Variants in AGAP2 observed in about 807,000 individuals in gnomAD.
AGAP2 encodes the protein ArfGAP with GTPase domain, ankyrin repeat and PH domain 2.
Under a neutral mutation model 110.9 loss-of-function variants are expected in AGAP2, and 32 were observed. That is an observed-to-expected ratio of 0.29 (90% CI 0.22 to 0.39). The LOEUF (loss-of-function observed/expected upper bound fraction) is 0.39. Among genes scored for constraint, AGAP2 ranks in the 10% least tolerant of loss-of-function variants. The pLI is 1.00. For synonymous variants in AGAP2, 702 were observed against 713.0 expected (o/e 0.98, Z 0.25); for missense variants, 1,285 against 1,638.5 (o/e 0.78, Z 3.72).
In AGAP2 at chr12:57,734,127, T is replaced by A; in HGVS notation, c.1448A>T (p.Asp483Val). 6.2e-7 allele frequency: 1 copy of A among 1,613,270 alleles called. No homozygotes were observed. Among genetic ancestry groups the A allele is most frequent in the Non-Finnish European group, 8.5e-7 (1 of 1,179,554 alleles). The change falls in exon 5 of 19, where the codon GAT becomes GTT. Residue 483 changes from aspartate (D) to valine (V), a missense_variant. Physicochemically the swap from Asp to Val is radical, Grantham distance 152. Coordinates refer to ENST00000547588, the MANE Select transcript of AGAP2 (RefSeq NM_001122772.3). ...DAVIFVFSLE[D>V]ENSFQAVSRL... ...GCTCACAGCCTGGAAACTGTTCTCA[T>A]CCTCCAGGCTGAAGACGAAGATCAC...
At chr12:57,733,986 G>GAAA in intron 5 of AGAP2, 40 bp downstream of exon 5, 3 of 1,526,008 alleles carry the variant, frequency 2.0e-6, no homozygotes, top group Non-Finnish European at 2.6e-6. Flanking sequence ...GCCTCCTTAG[G>GAAA]GCCTCCCTTG....
At chr12:57,724,697 G>A (rs1195543945), downstream of AGAP2, 1 of 152,318 alleles carries the variant, frequency 6.6e-6, no homozygotes. Flanking sequence ...AGTGCTCACG[G>A]TGAGCAGGCT....
At position 57,727,414 on chromosome 12, in the gene AGAP2, C is replaced by T. The variant is rs1954791732; in HGVS notation, c.3026G>A (p.Arg1009His). 1 of 1,613,458 alleles carries T rather than the reference C, an allele frequency of 6.2e-7. No homozygotes were observed. The highest frequency in any genetic ancestry group is 8.5e-7 in the Non-Finnish European group (1 of 1,179,906). ...LTAIGNDTAN[R>H]VWESDTRGRA... is the part of the protein sequence containing the mutation. ...GCCTCGCGTGTCGCTTTCCCACACGCGGTTGGCCGTGTCGTTGCCAATAGC... is the reference window on the plus strand; with the variant it reads ...GCCTCGCGTGTCGCTTTCCCACACGTGGTTGGCCGTGTCGTTGCCAATAGC... The change falls in exon 17 of 19, where the codon CGC becomes CAC. Residue 1009 changes from arginine (R) to histidine (H), a missense_variant. Physicochemically the swap from Arg to His is conservative, Grantham distance 29. This residue lies in a region of AGAP2 where 201 missense variants were observed against 276.1 expected (regional missense o/e 0.73). Transcript: ENST00000547588.
rs749960434 is a variant in AGAP2 at position 57,727,775 on chromosome 12, C to T, written c.2767-4G>A. ...CGCTTTGGCTGTCTGTGCGCAGCTG[C>T]AGAGAGGGTTTGGGTTGGCACTGAC... On this transcript the variant is annotated splice_polypyrimidine_tract_variant and splice_region_variant and intron_variant, in intron 15 of 18. Coordinates refer to ENST00000547588, the MANE Select transcript of AGAP2 (RefSeq NM_001122772.3). The T allele has an allele frequency of 1.9e-6, 3 of 1,576,628 alleles. No homozygotes were observed. The highest frequency in any genetic ancestry group is 2.6e-6 in the Non-Finnish European group (3 of 1,160,280).
At chr12:57,732,119 T>C (rs1954898002) in intron 7 of AGAP2, 152 bp from the exon 8 acceptor site, 1 of 979,988 alleles carries the variant, frequency 1.0e-6, no homozygotes. Flanking sequence ...CTCACTAACA[T>C]TGTGACAATG....
intron 12 of AGAP2, 54 bp downstream of exon 12, chr12:57,730,441 C>T (rs1197770561): frequency 6.2e-7 from 1 of 1,605,846 alleles, no homozygotes; most frequent in Non-Finnish European, 8.5e-7. Flanking sequence ...TCATTTCCCA[C>T]ACTCATCCTA....
At chr12:57,728,807 G>T (rs1264224363) in intron 13 of AGAP2, among the ~76,000 whole-genome samples, 2 of 152,114 alleles carry the variant, frequency 1.3e-5, no homozygotes, top group African/African-American at 4.8e-5. Flanking sequence ...AATCACTGAG[G>T]GACAAGAATG....
upstream of AGAP2, chr12:57,741,949 G>T: frequency 6.2e-7 from 1 of 1,614,150 alleles, no homozygotes; most frequent in Non-Finnish European, 8.5e-7. Flanking sequence ...TGCTGTCCTG[G>T]AGTTCGGGGT....
intron 1 of AGAP2, among the ~76,000 whole-genome samples, chr12:57,735,693 C>T (rs902735576): frequency 1.3e-5 from 2 of 152,356 alleles, no homozygotes; most frequent in South Asian, 2.1e-4. Context: ...CCTTAAAGCA[C>T]ATCCCCAAAC....
chr12:57,738,351 C>T lies in AGAP2; in HGVS notation c.-105G>A. The T allele has an allele frequency of 2.4e-6, 3 of 1,255,772 alleles. No individual in the cohort carries two copies. Among genetic ancestry groups the T allele is most frequent in the South Asian group, 2.4e-5 (1 of 41,044 alleles). The allele number at this position is 1,255,772 out of a possible 1,614,324, so 77.8% of individuals were successfully genotyped here. A position where few individuals can be genotyped will look rare whatever the true frequency, so the allele number is the denominator to read the frequency against. Reference sequence around the variant, plus strand: ...CTGCTCGCTGCCCCCAGCCCCCGGACCCCGCTGAGCCCCCGGCCCGGCTCC... The same window carrying T: ...CTGCTCGCTGCCCCCAGCCCCCGGATCCCGCTGAGCCCCCGGCCCGGCTCC... On this transcript the variant is annotated 5_prime_UTR_variant, in exon 1 of 19. Transcript: ENST00000547588. This position sits in a 1 kb window ranked among gnomAD's most constrained non-coding sequence, Gnocchi z 6.7.
Position 57,728,301 on chromosome 12 carries a change from G to T in AGAP2, c.2617+17C>A. The T allele has an allele frequency of 8.1e-6, 13 of 1,613,314 alleles. 1 individual carries two copies. Among genetic ancestry groups the T allele is most frequent in the Non-Finnish European group, 1.1e-5 (13 of 1,179,614 alleles). On this transcript the variant is annotated intron_variant, in intron 14 of 18. Transcript: ENST00000547588. ...TGCACCCCAGCTGAGCGCCCCTCCC[G>T]GCTCCCCACTTGTTACCTGCTTTAT...
rs1424140347 is a variant in AGAP2 at position 57,738,438 on chromosome 12, C to T, written c.-192G>A. 13 of 419,686 alleles carry T rather than the reference C, an allele frequency of 3.1e-5. No individual in the cohort carries two copies. Among genetic ancestry groups the T allele is most frequent in the Non-Finnish European group, 3.8e-5 (12 of 312,596 alleles). 26.0% of individuals were successfully genotyped at this position (419,686 alleles called of 1,614,324 possible). ...CCCCTCCCATCACATGGGGCGCCCC[C>T]TCCCCATGCTCCCCGCCCTGCGCCC... On this transcript the variant is annotated 5_prime_UTR_variant, in exon 1 of 19. Transcript: ENST00000547588. The surrounding 1 kb of genome is among the most constrained non-coding windows in gnomAD (Gnocchi z 6.7).
Position 57,730,401 on chromosome 12 carries a change from TA to T in AGAP2, c.2428+93del. ...GGCTCCATGTGTTCACTCATGCATTTATTCCAGCCTCCAAGCCTTCACCCCA... is the reference window on the plus strand; with the variant it reads ...GGCTCCATGTGTTCACTCATGCATTTTTCCAGCCTCCAAGCCTTCACCCCA... On this transcript the variant is annotated intron_variant, in intron 12 of 18. Transcript: ENST00000547588. The T allele has an allele frequency of 2.0e-6, 3 of 1,524,598 alleles. 1 individual carries two copies. In the South Asian group the frequency reaches 3.5e-5, roughly 18 times the overall value. 94.4% of individuals were successfully genotyped at this position (1,524,598 alleles called of 1,614,324 possible). A position where few individuals can be genotyped will look rare whatever the true frequency, so the allele number is the denominator to read the frequency against.
At position 57,730,972 on chromosome 12, in the gene AGAP2, G is replaced by A. The variant is rs78591190; in HGVS notation, c.2146-19C>T. The A allele has an allele frequency of 1.6e-3, 2,436 of 1,503,102 alleles. 34 individuals carry two copies. The African/African-American group carries it at 0.026, about 16-fold the overall frequency. The allele number at this position is 1,503,102 out of a possible 1,614,324, so 93.1% of individuals were successfully genotyped here. On this transcript the variant is annotated intron_variant, in intron 10 of 18. Coordinates refer to ENST00000547588, the MANE Select transcript of AGAP2 (RefSeq NM_001122772.3). ...TGTAATCCTGGAGGGGTACAGGGCC[G>A]AGAGTGTAGGGAAGGTTGGGGTCCT...
At position 57,726,727 on chromosome 12, in the gene AGAP2, C is replaced by A; in HGVS notation, c.3404G>T (p.Gly1135Val). Reference protein sequence around the residue: ...RTALFYARQAGSQLCADILLQ... With the variant: ...RTALFYARQAVSQLCADILLQ... ...AAGGATGTCGGCGCACAGCTGGCTT[C>A]CAGCCTGGCGGGCGTAGAACAGCGC... Residue 1135 changes from glycine to valine, a missense_variant, in exon 19 of 19, where the codon GGA becomes GTA. Coordinates refer to ENST00000547588, the MANE Select transcript of AGAP2 (RefSeq NM_001122772.3). The surrounding 1 kb of genome is among the most constrained non-coding windows in gnomAD (Gnocchi z 5.7). 1 of 1,270,262 alleles carries A rather than the reference C, an allele frequency of 7.9e-7. No individual in the cohort carries two copies. The highest frequency in any genetic ancestry group is 9.9e-7 in the Non-Finnish European group (1 of 1,008,616). 78.7% of individuals were successfully genotyped at this position (1,270,262 alleles called of 1,614,324 possible).
chr12:57,729,898 GT>G, intron 12 of AGAP2, 131 bp from the exon 13 acceptor site: 2 of 1,299,332 alleles, frequency 1.5e-6, no homozygotes, highest in South Asian at 1.5e-5. Context: ...CTCTCCAGGA[GT>G]TCCCCCTTGA....
rs953270897 is a variant in AGAP2 at position 57,732,913 on chromosome 12, A to G, written c.1616T>C (p.Met539Thr). ...DARARALCAD[M>T]KRCSYYETCA... The stretch of plus-strand genomic sequence containing the variant: ...AGTCTCATAGTAGCTGCAGCGTTTC[A>G]TGTCCGCGCACAGAGCTCTGGCACG... The change falls in exon 6 of 19, where the codon ATG becomes ACG. Residue 539 changes from methionine to threonine, a missense_variant. Met to Thr is a moderately conservative substitution (Grantham distance 81, BLOSUM62 -1). Transcript: ENST00000547588. 1 of 1,613,884 alleles carries G rather than the reference A, an allele frequency of 6.2e-7. No individual in the cohort carries two copies. The highest frequency in any genetic ancestry group is 1.3e-5 in the African/African-American group (1 of 74,862).
chr12:57,725,730 A>C lies in AGAP2; in HGVS notation c.*822T>G. 2 of 24,706 alleles carry C rather than the reference A, an allele frequency of 8.1e-5. No homozygotes were observed. The highest frequency in any genetic ancestry group is 1.7e-4 in the African/African-American group (1 of 6,030). The allele number at this position is 24,706 out of a possible 1,614,324, so 1.5% of individuals were successfully genotyped here. A position where few individuals can be genotyped will look rare whatever the true frequency, so the allele number is the denominator to read the frequency against. On this transcript the variant is annotated 3_prime_UTR_variant, in exon 19 of 19. Transcript: ENST00000547588. ...CCCCTGCCCACCCTGGGCTTCCCCT[A>C]CCCCAAAACGCCCTCCCCACGCCCC...
chr12:57,732,017 C>T, intron 7 of AGAP2, 50 bp from the exon 8 acceptor site: 1 of 1,588,496 alleles, frequency 6.3e-7, no homozygotes, highest in Non-Finnish European at 8.6e-7. Flanking sequence ...CCTACTCCAC[C>T]AAGCTACACT....
Sources: allele counts gnomAD v4.1 joint callset (sites outside exome capture counted in the v4.1 genomes callset), GRCh38; gene constraint gnomAD v4.1.1; regional missense constraint gnomAD v4.1.1; non-coding constraint Gnocchi (gnomAD v3.1); transcripts MANE v1.5; gene names NCBI Gene and HGNC (gene_info 2026-07-23, HGNC 2026-07-21).